The following SETD1A variants were observed in gnomAD, a reference collection of about 807,000 sequenced individuals.
SETD1A encodes histone-lysine N-methyltransferase SETD1A.
SETD1A carries 29 observed loss-of-function variants against 149.9 expected under a neutral mutation model. That is an observed-to-expected ratio of 0.19 (90% confidence interval 0.14 to 0.26). The LOEUF is 0.26. Among genes scored for constraint, SETD1A ranks in the 10% least tolerant of loss-of-function variants. The pLI, the probability that SETD1A is intolerant of heterozygous loss-of-function variation, is 1.00. For synonymous variants in SETD1A, 1,141 were observed against 968.5 expected (o/e 1.18, Z -3.31); for missense variants, 2,109 against 2,353.1 (o/e 0.90, Z 2.15).
intron 12 of SETD1A, among the ~76,000 whole-genome samples, chr16:30,970,354 G>A (rs1338180171): frequency 6.7e-6 from 1 of 149,378 alleles, no homozygotes; most frequent in Non-Finnish European, 1.5e-5. Flanking sequence ...TGCAACCTCC[G>A]CCTCCCTGGT....
rs759310539 is a variant in SETD1A at position 30,966,212 on chromosome 16, A to G, written c.2331A>G (p.Ala777=). The change falls in exon 8 of 19, where the codon GCA becomes GCG. Residue 777 remains alanine, a synonymous_variant. Coordinates refer to ENST00000262519, the MANE Select transcript of SETD1A (RefSeq NM_014712.3). ...EEARLPPREE[A]ELAEGKTLPT... is the part of the protein sequence containing the mutation. ...CCCGGCTGCCACCCAGGGAAGAAGC[A>G]GAGCTGGCAGAGGGCAAGACCCTCC... 1 of 1,613,456 alleles carries G rather than the reference A, an allele frequency of 6.2e-7. No individual in the cohort carries two copies. The highest frequency in any genetic ancestry group is 8.5e-7 in the Non-Finnish European group (1 of 1,179,886).
In SETD1A at chr16:30,979,870, G is replaced by A. The variant is rs1465479096; in HGVS notation, c.4084G>A (p.Glu1362Lys). Residue 1362 changes from glutamate (E) to lysine (K), a missense_variant, in exon 14 of 19, where the codon GAA becomes AAA. Around this residue, in one of 8 missense-constraint regions of SETD1A, gnomAD observed 832 missense variants for 815.6 expected, o/e 1.02. Transcript: ENST00000262519. The part of the protein sequence containing the change: ...QQLQQQREEG[E>K]EEGEEEGEEE... The stretch of plus-strand genomic sequence containing the variant: ...ACTGCAGCAGCAGCGGGAGGAGGGC[G>A]AAGAGGAGGGGGAGGAAGAGGGGGA... 7 of 1,537,526 alleles carry A rather than the reference G, an allele frequency of 4.6e-6. No homozygotes were observed. In the African/African-American group the frequency reaches 5.5e-5, roughly 12 times the overall value.
intron 3 of SETD1A, 42 bp downstream of exon 3, chr16:30,959,228 G>A (rs370566106): frequency 1.5e-6 from 2 of 1,291,978 alleles, no homozygotes; most frequent in South Asian, 1.2e-5. Context: ...TCCTAAGAGG[G>A]TGTGGAGGAT....
At chr16:30,959,446 A>G (rs1407020992) in intron 3 of SETD1A, among the ~76,000 whole-genome samples, 1 of 152,140 alleles carries the variant, frequency 6.6e-6, no homozygotes, top group African/African-American at 2.4e-5. Context: ...TTTAGCTGCT[A>G]TACCTATCAC....
chr16:30,965,509 G>C, intron 7 of SETD1A, 48 bp downstream of exon 7: 34 of 1,584,972 alleles, frequency 2.1e-5, no homozygotes, highest in Non-Finnish European at 2.8e-5. Flanking sequence ...TGGGAGTCAG[G>C]GTTGGGCCTA....
intron 9 of SETD1A, 31 bp downstream of exon 9, chr16:30,967,091 G>T: frequency 1.3e-6 from 2 of 1,513,642 alleles, no homozygotes. Flanking sequence ...GTGGGGTAGG[G>T]TGGGGAGAGG....
Position 30,971,364 on chromosome 16 carries a change from T to G in SETD1A, c.3017-14T>G. The G allele has an allele frequency of 6.4e-7, 1 of 1,562,524 alleles. No homozygotes were observed. Among genetic ancestry groups the G allele is most frequent in the Non-Finnish European group, 8.7e-7 (1 of 1,149,168 alleles). Reference sequence around the variant, plus strand: ...TCTGCCCACCTCTCCTGACTGCCCCTTCTGGATTTCCAGGCGAGGACGAGG... The same window carrying G: ...TCTGCCCACCTCTCCTGACTGCCCCGTCTGGATTTCCAGGCGAGGACGAGG... On this transcript the variant is annotated splice_polypyrimidine_tract_variant and intron_variant, in intron 12 of 18. Transcript: ENST00000262519.
rs542834194 is a variant in SETD1A, at chr16:30,971,468, G to A, written c.3107G>A (p.Ser1036Asn). Residue 1036 changes from serine (S) to asparagine (N), a missense_variant, in exon 13 of 19, where the codon AGC becomes AAC. By Grantham distance (46) the Ser-to-Asn change is conservative. Around this residue, in one of 8 missense-constraint regions of SETD1A, gnomAD observed 832 missense variants for 815.6 expected, o/e 1.02. Transcript: ENST00000262519. Reference protein sequence around the residue: ...ENDSTSDSESSSSSSSSSSSS... With the variant: ...ENDSTSDSESNSSSSSSSSSS... ...GACAGCACATCAGACTCCGAGAGCA[G>A]CAGCTCTTCCAGCTCCTCATCCTCC... 6 of 1,613,988 alleles carry A rather than the reference G, an allele frequency of 3.7e-6. No individual in the cohort carries two copies. In the East Asian group the frequency reaches 6.7e-5, roughly 18 times the overall value.
In SETD1A at chr16:30,965,029, C is replaced by T. The variant is rs2056118374; in HGVS notation, c.1287C>T (p.Ala429=). The change falls in exon 7 of 19, where the codon GCC becomes GCT. Residue 429 remains alanine, a synonymous_variant. Transcript: ENST00000262519. ...CCGACCAGGACTACCGGCCTCCTGC[C>T]TCAGAGGCTCCACCCCCGGAGCCTC... ...RPTDQDYRPP[A]SEAPPPEPPE... is the part of the protein sequence containing the mutation. 2 of 1,613,090 alleles carry T rather than the reference C, an allele frequency of 1.2e-6. No individual in the cohort carries two copies. Among genetic ancestry groups the T allele is most frequent in the South Asian group, 1.1e-5 (1 of 91,058 alleles).
intron 4 of SETD1A, among the ~76,000 whole-genome samples, chr16:30,962,928 G>A (rs1035931721): frequency 3.3e-5 from 5 of 152,252 alleles, no homozygotes; most frequent in Admixed American, 1.3e-4. Context: ...GTTTTTGTGT[G>A]AAATCTCATG....
At position 30,979,919 on chromosome 16, in the gene SETD1A, A is replaced by G; in HGVS notation, c.4133A>G (p.Asp1378Gly). The G allele has an allele frequency of 6.5e-7, 1 of 1,534,002 alleles. No homozygotes were observed. The highest frequency in any genetic ancestry group is 1.2e-5 in the South Asian group (1 of 83,756). Residue 1378 changes from aspartate (D) to glycine (G), a missense_variant, in exon 14 of 19, where the codon GAC becomes GGC. By Grantham distance (94) the Asp-to-Gly change is moderately conservative. This residue lies in a region of SETD1A where 832 missense variants were observed against 815.6 expected (regional missense o/e 1.02). Coordinates refer to ENST00000262519, the MANE Select transcript of SETD1A (RefSeq NM_014712.3). ...GAGGAAGAGGAGGAGGAGTCCTCTG[A>G]CAGCAGCAGCAGCAGCGATGGGGAG... is the stretch of plus-strand genomic sequence containing the variant. Reference protein sequence around the residue: ...EGEEEEEESSDSSSSSDGEGA... With the variant: ...EGEEEEEESSGSSSSSDGEGA...
Position 30,963,483 on chromosome 16 carries a change from C to A in SETD1A, c.568C>A (p.Pro190Thr). 1 of 1,613,462 alleles carries A rather than the reference C, an allele frequency of 6.2e-7. No individual in the cohort carries two copies. The highest frequency in any genetic ancestry group is 1.1e-5 in the South Asian group (1 of 91,012). ...ACTAATTGTCAATGGCTCCTACACC[C>A]CTCAGACTGTGCCCACTGGGGGCAA... ...YELIVNGSYT[P>T]QTVPTGGKAL... Residue 190 changes from proline to threonine, a missense_variant, in exon 5 of 19, where the codon CCT (proline) becomes ACT (threonine). This residue lies in a region of SETD1A where 410 missense variants were observed against 394.8 expected (regional missense o/e 1.04). Transcript: ENST00000262519.
At position 30,967,039 on chromosome 16, in the gene SETD1A, C is replaced by A. The variant is rs972232696; in HGVS notation, c.2661C>A (p.Ala887=). The change falls in exon 9 of 19, where the codon GCC becomes GCA. Residue 887 remains alanine (A), a synonymous_variant. Transcript: ENST00000262519. ...CCTTTGGGTCAGGGCTGAGAGGGGC[C>A]CTGCGGCTGCCTTCATTCAAGGTAC... is the stretch of plus-strand genomic sequence containing the variant. ...AFAFGSGLRG[A]LRLPSFKVKR... The A allele has an allele frequency of 2.0e-5, 32 of 1,592,160 alleles. No homozygotes were observed. The highest frequency in any genetic ancestry group is 2.7e-5 in the African/African-American group (2 of 74,250).
chr16:30,966,002 C>T lies in SETD1A; in HGVS notation c.2121C>T (p.Pro707=), dbSNP rs758167758. 2.0e-5 allele frequency: 32 copies of T among 1,574,766 alleles called. No individual in the cohort carries two copies. The highest frequency in any genetic ancestry group is 1.7e-4 in the Middle Eastern group (1 of 5,892). The part of the protein sequence containing the change: ...KGLIAASAGP[P]GGAFGEAFLP... ...TGATTGCCGCCTCAGCTGGCCCCCC[C>T]GGTGGGGCCTTTGGGGAGGCCTTCC... Residue 707 remains proline (P), a synonymous_variant, in exon 8 of 19, where the codon CCC becomes CCT. Transcript: ENST00000262519.
chr16:30,963,122 T>C (rs1057488147), intron 4 of SETD1A, among the ~76,000 whole-genome samples: 1 of 152,218 alleles, frequency 6.6e-6, no homozygotes, highest in Non-Finnish European at 1.5e-5. Flanking sequence ...TTCTGTGACT[T>C]TGTGTAGGTC....
rs778174472 is a variant in SETD1A at position 30,958,728 on chromosome 16, A to T, written c.-4A>T. On this transcript the variant is annotated 5_prime_UTR_variant, in exon 2 of 19. The change creates a premature stop within an existing upstream ORF in the 5' untranslated region. Coordinates refer to ENST00000262519, the MANE Select transcript of SETD1A (RefSeq NM_014712.3). ...TCTTCCCCTAACAGTGTAAATGAGC[A>T]AAGATGGATCAGGAAGGTGGGGGAG... 2 of 1,614,026 alleles carry T rather than the reference A, an allele frequency of 1.2e-6. No homozygotes were observed. Among genetic ancestry groups the T allele is most frequent in the Admixed American group, 3.3e-5 (2 of 60,016 alleles).
chr16:30,963,602 T>C, intron 5 of SETD1A, 48 bp downstream of exon 5: 1 of 1,572,240 alleles, frequency 6.4e-7, no homozygotes. Context: ...GGGCATGGTG[T>C]CCGGGTGCCC....
chr16:30,961,152 C>G lies in SETD1A; in HGVS notation c.247-115C>G. ...CCTTATTTTGGGCCCCTTCCCTTGC[C>G]CCTCACTTTCCCGGATCTCTCTCTT... On this transcript the variant is annotated intron_variant, in intron 3 of 18. Coordinates refer to ENST00000262519, the MANE Select transcript of SETD1A (RefSeq NM_014712.3). The surrounding 1 kb of genome is among the most constrained non-coding windows in gnomAD (Gnocchi z 4.0). The G allele has an allele frequency of 3.7e-6, 4 of 1,068,360 alleles. No individual in the cohort carries two copies. The highest frequency in any genetic ancestry group is 5.6e-6 in the Non-Finnish European group (4 of 709,432). The allele number at this position is 1,068,360 out of a possible 1,614,324, so 66.2% of individuals were successfully genotyped here. A position where few individuals can be genotyped will look rare whatever the true frequency, so the allele number is the denominator to read the frequency against.
In SETD1A at chr16:30,958,779, G is replaced by A; in HGVS notation, c.48G>A (p.Gln16=). The change falls in exon 2 of 19, where the codon CAG becomes CAA. Residue 16 remains glutamine (Q), a synonymous_variant. Transcript: ENST00000262519. The part of the protein sequence containing the change: ...GGDGQKAPSF[Q]WRNYKLIVDP... ...ATGGGCAGAAGGCCCCGAGCTTCCAGTGGCGGAACTACAAGCTCATCGTGG... is the reference window on the plus strand; with the variant it reads ...ATGGGCAGAAGGCCCCGAGCTTCCAATGGCGGAACTACAAGCTCATCGTGG... 3.7e-6 allele frequency: 6 copies of A among 1,614,210 alleles called. No homozygotes were observed. Among genetic ancestry groups the A allele is most frequent in the Non-Finnish European group, 5.1e-6 (6 of 1,180,020 alleles).
Sources: gnomAD v4.1 joint callset for allele counts (sites outside exome capture counted in the v4.1 genomes callset) on GRCh38, gnomAD v4.1.1 for gene constraint, gnomAD v4.1.1 regional missense constraint, Gnocchi (gnomAD v3.1) non-coding constraint, MANE v1.5 for transcripts, NCBI Gene and HGNC (gene_info 2026-07-23, HGNC 2026-07-21) for gene names.